The following MRE11 variants were observed in gnomAD, a reference collection of about 807,000 sequenced individuals.
MRE11 encodes double-strand break repair protein MRE11.
MRE11 carries 62 observed loss-of-function variants against 91.7 expected under a neutral mutation model. That is an observed-to-expected ratio of 0.68 (90% CI 0.55 to 0.84). The LOEUF is 0.84. MRE11 is among the 40% of genes least tolerant of loss of function. The pLI is 0.00. For missense variants in MRE11, 796 were observed against 852.9 expected, an observed-to-expected ratio of 0.93 and a Z score of 0.83; for synonymous variants, 273 against 271.4, an observed-to-expected ratio of 1.01 and a Z score of -0.06.
chr11:94,427,577 C>T (rs1222663153), intron 19 of MRE11, among the ~76,000 whole-genome samples: 1 of 152,066 alleles, frequency 6.6e-6, no homozygotes, highest in African/African-American at 2.4e-5. Context: ...AAAAGACATC[C>T]AAACAGGAAA....
intron 14 of MRE11, among the ~76,000 whole-genome samples, chr11:94,455,441 G>A (rs1226478384): frequency 6.6e-6 from 1 of 151,884 alleles, no homozygotes; most frequent in Non-Finnish European, 1.5e-5. Flanking sequence ...CTGAATGAAA[G>A]CAATCAAGAC....
the MRE11 span, among the ~76,000 whole-genome samples, chr11:94,503,559 A>G: frequency 1.3e-4 from 20 of 151,998 alleles, no homozygotes; most frequent in African/African-American, 4.6e-4. Context: ...GCATGGTGGC[A>G]CACCCCTGTA....
intron 19 of MRE11, among the ~76,000 whole-genome samples, chr11:94,428,630 G>A (rs1358161716): frequency 3.3e-5 from 5 of 152,030 alleles, no homozygotes; most frequent in African/African-American, 1.2e-4. Context: ...TTGGGAGGCC[G>A]AGGCAGGTGG....
chr11:94,457,887 T>TCTCTCTCTCTCTCACA (rs372404360), intron 13 of MRE11, among the ~76,000 whole-genome samples: 2 of 144,220 alleles, frequency 1.4e-5, no homozygotes, highest in African/African-American at 5.2e-5. Context: ...TCTCTCTCTC[T>TCTCTCTCTCTCTCACA]CACACACACA....
At position 94,447,345 on chromosome 11, in the gene MRE11, G is replaced by C. The variant is rs1945964376; in HGVS notation, c.1657C>G (p.Gln553Glu). 3.1e-6 allele frequency: 5 copies of C among 1,614,070 alleles called. No individual in the cohort carries two copies. In the East Asian group the frequency reaches 1.1e-4, roughly 36 times the overall value. Residue 553 changes from glutamine to glutamate, a missense_variant, in exon 15 of 20, where the codon CAG becomes GAG. Gln to Glu is a conservative substitution (Grantham distance 29). Transcript: ENST00000323929. ...DDLMSIDLAE[Q>E]MANDSDDSIS... ...CTATCATCAGAGTCATTAGCCATCT[G>C]TTCTGCTAAATCTATACTCATAAGG...
chr11:94,497,504 C>T (rs1174037735), upstream of MRE11: 2 of 158,212 alleles, frequency 1.3e-5, no homozygotes, highest in Admixed American at 1.3e-4. Flanking sequence ...GCTTTTTAAC[C>T]CAAGAGCATG....
At chr11:94,452,473 A>G (rs1946135739) in intron 14 of MRE11, among the ~76,000 whole-genome samples, 1 of 152,198 alleles carries the variant, frequency 6.6e-6, no homozygotes. Flanking sequence ...GAGAATATAA[A>G]CTAGTTAAGA....
At chr11:94,447,105 A>G (rs112436169) in intron 15 of MRE11, 114 bp downstream of exon 15, 50 of 1,116,566 alleles carry the variant, frequency 4.5e-5, no homozygotes, top group African/African-American at 4.4e-4. Context: ...ATAGATTTTT[A>G]AAGAACCGTG....
Position 94,475,453 on chromosome 11 carries a change from T to C in MRE11, c.659+836A>G, listed in dbSNP as rs551979665. 7.4e-5 allele frequency: 27 copies of C among 367,046 alleles called. No homozygotes were observed. The East Asian group carries it at 1.7e-3, about 23-fold the overall frequency. The allele number at this position is 367,046 out of a possible 1,614,324, so 22.7% of individuals were successfully genotyped here. On this transcript the variant is annotated intron_variant, in intron 7 of 19. Transcript: ENST00000323929. ...CAAGGGACAACTGTAATAAATTATA[T>C]AATCAGGCCCCAAATCCTTTGAGTT...
chr11:94,447,327 C>T lies in MRE11; in HGVS notation c.1675G>A (p.Asp559Asn), dbSNP rs1444076984. The change falls in exon 15 of 20, where the codon GAT becomes AAT. Residue 559 changes from aspartate to asparagine, a missense_variant. Coordinates refer to ENST00000323929, the MANE Select transcript of MRE11 (RefSeq NM_005591.4). ...DLAEQMANDS[D>N]DSISAATNKG... ...TTGGTTGCTGCTGAGATGCTATCAT[C>T]AGAGTCATTAGCCATCTGTTCTGCT... 3 of 1,613,982 alleles carry T rather than the reference C, an allele frequency of 1.9e-6. No homozygotes were observed. The highest frequency in any genetic ancestry group is 1.7e-6 in the Non-Finnish European group (2 of 1,180,018).
intron 16 of MRE11, among the ~76,000 whole-genome samples, chr11:94,441,822 C>CA (rs1817296647): frequency 6.6e-6 from 1 of 151,342 alleles, no homozygotes; most frequent in Non-Finnish European, 1.5e-5. Flanking sequence ...ACTAAAAATA[C>CA]AAAAATTAGC....
At chr11:94,476,449 C>T in intron 6 of MRE11, 46 bp from the exon 7 acceptor site, 1 of 1,294,452 alleles carries the variant, frequency 7.7e-7, no homozygotes, top group Non-Finnish European at 1.1e-6. Context: ...CTTACTTCGG[C>T]TTAAAAAATG....
intron 18 of MRE11, among the ~76,000 whole-genome samples, chr11:94,431,018 T>TC (rs1945450751): frequency 6.6e-6 from 1 of 151,952 alleles, no homozygotes; most frequent in Non-Finnish European, 1.5e-5. Context: ...AAAATACTCC[T>TC]TATCTGGCCT....
chr11:94,420,876 C>T (rs1176331426), intron 19 of MRE11, among the ~76,000 whole-genome samples: 1 of 151,948 alleles, frequency 6.6e-6, no homozygotes, highest in Non-Finnish European at 1.5e-5. Context: ...ACTAGAAATA[C>T]AAAAAATTGG....
At position 94,417,842 on chromosome 11, in the gene MRE11, G is replaced by A. The variant is rs1364733580; in HGVS notation, c.*2283C>T. 1 of 232,902 alleles carries A rather than the reference G, an allele frequency of 4.3e-6. No homozygotes were observed. The highest frequency in any genetic ancestry group is 8.5e-6 in the Non-Finnish European group (1 of 117,956). The allele number at this position is 232,902 out of a possible 1,614,324, so 14.4% of individuals were successfully genotyped here. A position where few individuals can be genotyped will look rare whatever the true frequency, so the allele number is the denominator to read the frequency against. On this transcript the variant is annotated 3_prime_UTR_variant, in exon 20 of 20. Transcript: ENST00000323929. ...ATTCCTAAATGCTTGAATTTTCTAAGCACCACTTATATTTTCAAGAATTTC... is the reference window on the plus strand; with the variant it reads ...ATTCCTAAATGCTTGAATTTTCTAAACACCACTTATATTTTCAAGAATTTC...
At chr11:94,469,651 C>A (rs1258400546) in intron 9 of MRE11, among the ~76,000 whole-genome samples, 2 of 152,058 alleles carry the variant, frequency 1.3e-5, no homozygotes, top group Non-Finnish European at 2.9e-5. Context: ...GAATGAGTCA[C>A]CTTATCTAAG....
the MRE11 span, among the ~76,000 whole-genome samples, chr11:94,509,447 C>T: frequency 6.6e-6 from 1 of 151,628 alleles, no homozygotes; most frequent in Non-Finnish European, 1.5e-5. Context: ...TTTGAATTTT[C>T]TTTTTTTTCT....
At chr11:94,455,091 GT>G (rs201364072) in intron 14 of MRE11, among the ~76,000 whole-genome samples, 2,307 of 152,230 alleles carry the variant, frequency 0.015, 31 homozygotes, top group Non-Finnish European at 0.024. Context: ...ACTTTTAGAA[GT>G]TTTTCATTTT....
chr11:94,476,305 CAAAT>C lies in MRE11; in HGVS notation c.639_642del (p.Phe214Ter). 1 of 1,611,574 alleles carries C rather than the reference CAAAT, an allele frequency of 6.2e-7. No homozygotes were observed. Among genetic ancestry groups the C allele is most frequent in the Non-Finnish European group, 8.5e-7 (1 of 1,177,938 alleles). On this transcript the variant is annotated frameshift_variant, in exon 7 of 20. Transcript: ENST00000323929. LOFTEE classifies it high-confidence loss of function. ...AAGTTTTACCTGTTCTGATGAATCA[CAAAT>C]AAGTTAAACCAAGAGTTCTCATCTT... is the stretch of plus-strand genomic sequence containing the variant.
Sources: allele counts gnomAD v4.1 joint callset (sites outside exome capture counted in the v4.1 genomes callset), GRCh38; gene constraint gnomAD v4.1.1; transcripts MANE v1.5; gene names NCBI Gene and HGNC (gene_info 2026-07-23, HGNC 2026-07-21).